CLEC2D: variants seen among roughly 807,000 people sequenced by gnomAD.
CLEC2D encodes the protein C-type lectin domain family 2 member D.
Under a neutral mutation model 20.0 loss-of-function variants are expected in CLEC2D, and 16 were observed. The observed-to-expected ratio is 0.80, with a 90% CI of 0.54 to 1.22. The LOEUF is 1.22. Ranked by LOEUF, CLEC2D falls within the 50% of genes most tolerant of loss-of-function variation. The pLI, the probability that CLEC2D is intolerant of heterozygous loss-of-function variation, is 0.00. For synonymous variants in CLEC2D, 77 were observed against 71.1 expected (o/e 1.08, Z -0.42); for missense variants, 207 against 221.5 (o/e 0.93, Z 0.42).
chr12:9,672,219 T>C (rs188205667), intron 1 of CLEC2D, among the ~76,000 whole-genome samples: 8 of 152,256 alleles, frequency 5.3e-5, no homozygotes, highest in Admixed American at 2.0e-4. Flanking sequence ...TTATAACAAA[T>C]CCACTTTCGT....
intron 3 of CLEC2D, among the ~76,000 whole-genome samples, chr12:9,691,851 AG>A (rs1339225921): frequency 6.6e-6 from 1 of 152,216 alleles, no homozygotes; most frequent in Non-Finnish European, 1.5e-5. Flanking sequence ...AACTAAAAAA[AG>A]TAAAACAAAA....
Position 9,697,097 on chromosome 12 carries a change from T to C in CLEC2D, c.*2223T>C, listed in dbSNP as rs1228870680. 1.3e-5 allele frequency: 2 copies of C among 152,112 alleles called. No individual in the cohort carries two copies. The highest frequency in any genetic ancestry group is 2.4e-5 in the African/African-American group (1 of 41,426). The allele number at this position is 152,112 out of a possible 1,614,324, so 9.4% of individuals were successfully genotyped here. On this transcript the variant is annotated 3_prime_UTR_variant, in exon 5 of 5. Transcript: ENST00000290855. The stretch of plus-strand genomic sequence containing the variant: ...AGCCTTGTAAAAAGAAATCCTGTTA[T>C]GTTGGGAACAAGCCCCCCAAAATCT...
chr12:9,694,872 T>C lies in CLEC2D; in HGVS notation c.574T>C (p.Ter192GlnextTer8), dbSNP rs1331918219. Reference protein sequence around the residue: ...WICSKSDIHV* With the variant: ...WICSKSDIHVQ ...TTGTTCCAAATCAGATATACATGTCTAGATGTTACAGCAAAGCCCCAACTA... is the reference window on the plus strand; with the variant it reads ...TTGTTCCAAATCAGATATACATGTCCAGATGTTACAGCAAAGCCCCAACTA... The change falls in exon 5 of 5, where the codon TAG becomes CAG. Residue 192 changes from the stop codon to glutamine, a stop_lost. Coordinates refer to ENST00000290855, the MANE Select transcript of CLEC2D (RefSeq NM_013269.6). 6.5e-7 allele frequency: 1 copy of C among 1,528,904 alleles called. No individual in the cohort carries two copies. The highest frequency in any genetic ancestry group is 9.1e-7 in the Non-Finnish European group (1 of 1,102,692). 94.7% of individuals were successfully genotyped at this position (1,528,904 alleles called of 1,614,324 possible). A position where few individuals can be genotyped will look rare whatever the true frequency, so the allele number is the denominator to read the frequency against.
At chr12:9,693,796 A>G (rs1219146574) in intron 4 of CLEC2D, 4 of 446,844 alleles carry the variant, frequency 9.0e-6, no homozygotes, top group Non-Finnish European at 1.8e-5. Flanking sequence ...AATTCTTAAA[A>G]TGGTTTTTTG....
In CLEC2D at chr12:9,695,160, G is replaced by A; in HGVS notation, c.*286G>A. 2 of 583,124 alleles carry A rather than the reference G, an allele frequency of 3.4e-6. No individual in the cohort carries two copies. The highest frequency in any genetic ancestry group is 5.7e-5 in the East Asian group (2 of 35,336). 36.1% of individuals were successfully genotyped at this position (583,124 alleles called of 1,614,324 possible). ...AGTTCCACATGGCTGGGGAGGTCTTGCAATCATGACAGAAGGCAAATGGGA... is the reference window on the plus strand; with the variant it reads ...AGTTCCACATGGCTGGGGAGGTCTTACAATCATGACAGAAGGCAAATGGGA... On this transcript the variant is annotated 3_prime_UTR_variant, in exon 5 of 5. Transcript: ENST00000290855.
rs16914640 is a variant in CLEC2D, at chr12:9,669,791, C to G, written c.57C>G (p.Asn19Lys). 0.15 allele frequency: 240,023 copies of G among 1,609,426 alleles called. 23,083 individuals are homozygous for G. The highest frequency in any genetic ancestry group is 0.47 in the African/African-American group (34,992 of 74,642). The part of the protein sequence containing the change: ...KDITPSELPA[N>K]PGCLHSKEHS... ...TTACACCATCTGAATTGCCTGCAAA[C>G]CCAGGTAAGAAGCTGGGCTCTACAG... is the stretch of plus-strand genomic sequence containing the variant. The change falls in exon 1 of 5, where the codon AAC becomes AAG. Residue 19 changes from asparagine to lysine, a missense_variant. Physicochemically the swap from Asn to Lys is moderately conservative, Grantham distance 94. Coordinates refer to ENST00000290855, the MANE Select transcript of CLEC2D (RefSeq NM_013269.6).
Position 9,695,810 on chromosome 12 carries a change from C to G in CLEC2D, c.*936C>G. 1 of 1,263,752 alleles carries G rather than the reference C, an allele frequency of 7.9e-7. No individual in the cohort carries two copies. 78.3% of individuals were successfully genotyped at this position (1,263,752 alleles called of 1,614,324 possible). A position where few individuals can be genotyped will look rare whatever the true frequency, so the allele number is the denominator to read the frequency against. ...CTCTTAAGTATATCTGGAAAGCAGT[C>G]TGCCCCTGGAGGTGGGCAGAAAAAA... is the stretch of plus-strand genomic sequence containing the variant. On this transcript the variant is annotated 3_prime_UTR_variant, in exon 5 of 5. Coordinates refer to ENST00000290855, the MANE Select transcript of CLEC2D (RefSeq NM_013269.6).
chr12:9,687,172 T>A (rs1865767159), intron 2 of CLEC2D, among the ~76,000 whole-genome samples: 1 of 152,194 alleles, frequency 6.6e-6, no homozygotes, highest in South Asian at 2.1e-4. Flanking sequence ...ATTATACAAC[T>A]CACCATAATG....
rs1274388744 is a variant in CLEC2D, at chr12:9,697,151, TAAAC to T, written c.*2281_*2284del. Reference sequence around the variant, plus strand: ...CATAAACTCACCCCAAAACTGGCCATAAACAAAATCTCTGCAGCACTGTGACATG... The same window carrying T: ...CATAAACTCACCCCAAAACTGGCCATAAAATCTCTGCAGCACTGTGACATG... On this transcript the variant is annotated 3_prime_UTR_variant, in exon 5 of 5. Transcript: ENST00000290855. 1.3e-5 allele frequency: 2 copies of T among 152,170 alleles called. No homozygotes were observed. Among genetic ancestry groups the T allele is most frequent in the East Asian group, 1.9e-4 (1 of 5,178 alleles). The allele number at this position is 152,170 out of a possible 1,614,324, so 9.4% of individuals were successfully genotyped here.
At chr12:9,691,744 A>G (rs1398506490) in intron 3 of CLEC2D, among the ~76,000 whole-genome samples, 1 of 152,206 alleles carries the variant, frequency 6.6e-6, no homozygotes, top group African/African-American at 2.4e-5. Context: ...TATGGTATAC[A>G]CTGAACATAG....
chr12:9,698,543 T>C lies in CLEC2D; in HGVS notation c.*3669T>C, dbSNP rs1866054787. The C allele has an allele frequency of 6.6e-6, 1 of 152,150 alleles. No individual in the cohort carries two copies. Among genetic ancestry groups the C allele is most frequent in the African/African-American group, 2.4e-5 (1 of 41,426 alleles). The allele number at this position is 152,150 out of a possible 1,614,324, so 9.4% of individuals were successfully genotyped here. ...CTGAAAATCGATTAAAGACTTAAAC[T>C]GTAAAACTACTAAAAGAAAATATAG... On this transcript the variant is annotated 3_prime_UTR_variant, in exon 5 of 5. Transcript: ENST00000290855.
At chr12:9,671,043 C>T (rs767309622) in intron 1 of CLEC2D, among the ~76,000 whole-genome samples, 5 of 152,268 alleles carry the variant, frequency 3.3e-5, no homozygotes, top group African/African-American at 1.2e-4. Flanking sequence ...TTCTCCTTTC[C>T]ATCCTCCAGC....
chr12:9,677,273 C>T (rs1865537379), intron 1 of CLEC2D, among the ~76,000 whole-genome samples: 2 of 151,942 alleles, frequency 1.3e-5, no homozygotes, highest in Admixed American at 6.6e-5. Context: ...TTAAACAATG[C>T]TTTTACTGCA....
intron 1 of CLEC2D, among the ~76,000 whole-genome samples, chr12:9,671,167 G>T (rs1338595586): frequency 6.6e-6 from 1 of 152,132 alleles, no homozygotes; most frequent in Non-Finnish European, 1.5e-5. Flanking sequence ...AAAAGCAAGA[G>T]GTTTGGCCCC....
At chr12:9,688,278 A>C (rs761147716) in intron 3 of CLEC2D, 192 bp downstream of exon 3, 4 of 1,115,722 alleles carry the variant, frequency 3.6e-6, no homozygotes, top group East Asian at 3.5e-5. Context: ...AATTACCTTA[A>C]TATTCGTGGC....
chr12:9,678,970 T>C (rs1218399359), intron 1 of CLEC2D, among the ~76,000 whole-genome samples: 2 of 152,222 alleles, frequency 1.3e-5, no homozygotes, highest in East Asian at 3.8e-4. Context: ...GTGTTTGCAA[T>C]ATACACTCAC....
intron 3 of CLEC2D, among the ~76,000 whole-genome samples, chr12:9,688,408 C>A (rs1255433436): frequency 2.0e-5 from 3 of 152,096 alleles, no homozygotes; most frequent in Non-Finnish European, 4.4e-5. Context: ...ATGAAGTTAG[C>A]AACATTGTTT....
At chr12:9,686,791 G>A (rs1277300689) in intron 2 of CLEC2D, among the ~76,000 whole-genome samples, 2 of 152,302 alleles carry the variant, frequency 1.3e-5, no homozygotes, top group South Asian at 2.1e-4. Context: ...TAAGAAGTGG[G>A]TCAGAAAAGC....
In CLEC2D at chr12:9,697,724, A is replaced by T. The variant is rs1268943999; in HGVS notation, c.*2850A>T. The T allele has an allele frequency of 5.3e-5, 8 of 152,220 alleles. No individual in the cohort carries two copies. Among genetic ancestry groups the T allele is most frequent in the South Asian group, 4.1e-4 (2 of 4,836 alleles). 9.4% of individuals were successfully genotyped at this position (152,220 alleles called of 1,614,324 possible). On this transcript the variant is annotated 3_prime_UTR_variant, in exon 5 of 5. Transcript: ENST00000290855. ...ATCTCACTTATAGTGAAACTTAAAA[A>T]AAAAACCCAAATACATAGAAATAGA...
Sources: gnomAD v4.1 joint callset for allele counts (sites outside exome capture counted in the v4.1 genomes callset) on GRCh38, gnomAD v4.1.1 for gene constraint, MANE v1.5 for transcripts, NCBI Gene and HGNC (gene_info 2026-07-23, HGNC 2026-07-21) for gene names.